PIP5K1C: variants seen among roughly 807,000 people sequenced by gnomAD.
The protein encoded by PIP5K1C is phosphatidylinositol 4-phosphate 5-kinase type-1 gamma.
A neutral mutation model predicts 80.1 loss-of-function variants in PIP5K1C; 45 were observed. The ratio of observed to expected loss-of-function variants is 0.56; its 90% CI spans 0.44 to 0.72. The LOEUF (loss-of-function observed/expected upper bound fraction) is 0.72. Ranked by LOEUF, PIP5K1C falls within the 30% of genes least tolerant of loss-of-function variation. The pLI is 0.00. For synonymous variants in PIP5K1C, 498 were observed against 420.1 expected, an observed-to-expected ratio of 1.19 and a Z score of -2.27; for missense variants, 753 against 954.6, an observed-to-expected ratio of 0.79 and a Z score of 2.78.
chr19:3,664,628 G>A (rs987349337), intron 3 of PIP5K1C, among the ~76,000 whole-genome samples, 194 bp downstream of exon 3: 15 of 152,350 alleles, frequency 9.8e-5, no homozygotes, highest in South Asian at 2.1e-4. Flanking sequence ...CCGGCCGCCC[G>A]GCAAGGACAG....
intron 1 of PIP5K1C, among the ~76,000 whole-genome samples, chr19:3,681,596 C>T (rs866664133): frequency 2.6e-5 from 4 of 152,114 alleles, no homozygotes; most frequent in Admixed American, 2.0e-4. Flanking sequence ...CATCCCCCCG[C>T]GGGCTGGTGC....
In PIP5K1C at chr19:3,696,160, G is replaced by A. The variant is rs1191858378; in HGVS notation, c.94+4137C>T. 1.4e-4 allele frequency among the ~76,000 whole-genome samples: 22 copies of A among 152,234 alleles called. No homozygotes were observed. Among genetic ancestry groups the A allele is most frequent in the Non-Finnish European group, 2.9e-4 (20 of 68,036 alleles). The stretch of plus-strand genomic sequence containing the variant: ...CAGGCGGGGCCTCTGCTGGGGCCAT[G>A]CCCTCTTCCTGCCCAATGCCCACAG... On this transcript the variant is annotated intron_variant, in intron 1 of 17. Transcript: ENST00000335312. This position sits in a 1 kb window ranked among gnomAD's most constrained non-coding sequence, Gnocchi z 4.1.
chr19:3,685,964 C>T (rs868330191), intron 1 of PIP5K1C, among the ~76,000 whole-genome samples: 5 of 151,854 alleles, frequency 3.3e-5, no homozygotes, highest in East Asian at 2.0e-4. Context: ...TGGGCTCAAG[C>T]GACCGTCCTG....
intron 1 of PIP5K1C, among the ~76,000 whole-genome samples, chr19:3,671,361 T>C (rs1005840446): frequency 1.3e-5 from 2 of 152,248 alleles, no homozygotes; most frequent in African/African-American, 4.8e-5. Flanking sequence ...GACCCAGCTC[T>C]GCTGACCTCA....
At chr19:3,659,826 A>G (rs2034769955) in intron 5 of PIP5K1C, among the ~76,000 whole-genome samples, 1 of 152,128 alleles carries the variant, frequency 6.6e-6, no homozygotes, top group Non-Finnish European at 1.5e-5. Context: ...AACCAAACGC[A>G]CGCACAGTCA....
intron 5 of PIP5K1C, 107 bp downstream of exon 5, chr19:3,660,859 C>T (rs2034808771): frequency 4.8e-6 from 4 of 841,896 alleles, no homozygotes; most frequent in African/African-American, 1.7e-5. Flanking sequence ...TAACCCTACA[C>T]GAGGAACCCA....
At chr19:3,650,005 C>G (rs943804730) in intron 8 of PIP5K1C, 4 of 181,004 alleles carry the variant, frequency 2.2e-5, no homozygotes, top group Admixed American at 6.2e-5. Context: ...CCTGCTCCCC[C>G]GCCAGGCCAG....
rs1228611357 is a variant in PIP5K1C at position 3,637,404 on chromosome 19, C to A, written c.1920+1480G>T. 6.5e-7 allele frequency: 1 copy of A among 1,535,418 alleles called. No homozygotes were observed. The highest frequency in any genetic ancestry group is 8.7e-7 in the Non-Finnish European group (1 of 1,146,780). ...CAGCGTGGCTGACCTCAATTGCAGC[C>A]GTGATTTACCCAAAGCCCTTCTGGA... is the stretch of plus-strand genomic sequence containing the variant. On this transcript the variant is annotated intron_variant, in intron 16 of 17. Transcript: ENST00000335312. This position sits in a 1 kb window ranked among gnomAD's most constrained non-coding sequence, Gnocchi z 7.0.
chr19:3,641,251 T>C (rs1229716857), intron 15 of PIP5K1C, among the ~76,000 whole-genome samples: 1 of 151,876 alleles, frequency 6.6e-6, no homozygotes, highest in East Asian at 1.9e-4. Context: ...TAAAATAAAA[T>C]TAAATTAATA....
In PIP5K1C at chr19:3,641,722, G is replaced by A; in HGVS notation, c.1770C>T (p.Pro590=). The A allele has an allele frequency of 6.8e-6, 11 of 1,609,242 alleles. No homozygotes were observed. The highest frequency in any genetic ancestry group is 7.6e-6 in the Non-Finnish European group (9 of 1,179,894). ...GTGCTCACCCTGCGTCCTCCTCTTT[G>A]GGGACCACAATCTCCACGCTGCACG... ...EPACSVEIVV[P]KEEDAGVEAS... is the part of the protein sequence containing the mutation. The change falls in exon 15 of 18, where the codon CCC becomes CCT. Residue 590 remains proline (P), a synonymous_variant. Transcript: ENST00000335312.
rs2035843274 is a variant in PIP5K1C at position 3,688,523 on chromosome 19, C to T, written c.94+11774G>A. Among the ~76,000 whole-genome samples the T allele has an allele frequency of 6.6e-6, 1 of 152,158 alleles. No individual in the cohort carries two copies. Among genetic ancestry groups the T allele is most frequent in the Non-Finnish European group, 1.5e-5 (1 of 68,018 alleles). On this transcript the variant is annotated intron_variant, in intron 1 of 17. Coordinates refer to ENST00000335312, the MANE Select transcript of PIP5K1C (RefSeq NM_012398.3). This position sits in a 1 kb window ranked among gnomAD's most constrained non-coding sequence, Gnocchi z 5.3. The stretch of plus-strand genomic sequence containing the variant: ...TGAGGCCACCCTCGCCCCCTGGTTT[C>T]AACTCCTGCTGTGAGCACCTGGCCT...
At position 3,685,468 on chromosome 19, in the gene PIP5K1C, T is replaced by A. The variant is rs1476364656; in HGVS notation, c.94+14829A>T. Among the ~76,000 whole-genome samples, 4 of 151,840 alleles carry A rather than the reference T, an allele frequency of 2.6e-5. No homozygotes were observed. The South Asian group carries it at 8.3e-4, about 32-fold the overall frequency. ...TTATTGGGCCAGGCACGGTGGCTCATGCCTGTAATCCCAGCACTTTGGGAG... is the reference window on the plus strand; with the variant it reads ...TTATTGGGCCAGGCACGGTGGCTCAAGCCTGTAATCCCAGCACTTTGGGAG... On this transcript the variant is annotated intron_variant, in intron 1 of 17. Transcript: ENST00000335312.
At position 3,641,724 on chromosome 19, in the gene PIP5K1C, G is replaced by A. The variant is rs749429463; in HGVS notation, c.1768C>T (p.Pro590Ser). Residue 590 changes from proline (P) to serine (S), a missense_variant, in exon 15 of 18, where the codon CCC becomes TCC. Physicochemically the swap from Pro to Ser is moderately conservative, Grantham distance 74. Coordinates refer to ENST00000335312, the MANE Select transcript of PIP5K1C (RefSeq NM_012398.3). ...EPACSVEIVVPKEEDAGVEAS... is the reference protein window; with the variant it reads ...EPACSVEIVVSKEEDAGVEAS... ...GCTCACCCTGCGTCCTCCTCTTTGGGGACCACAATCTCCACGCTGCACGCA... is the reference window on the plus strand; with the variant it reads ...GCTCACCCTGCGTCCTCCTCTTTGGAGACCACAATCTCCACGCTGCACGCA... The A allele has an allele frequency of 5.0e-6, 8 of 1,609,402 alleles. No individual in the cohort carries two copies. The highest frequency in any genetic ancestry group is 5.9e-6 in the Non-Finnish European group (7 of 1,179,910).
intron 1 of PIP5K1C, among the ~76,000 whole-genome samples, chr19:3,685,056 T>A (rs8111703): frequency 0.29 from 44,580 of 152,100 alleles, 7,238 homozygotes; most frequent in African/African-American, 0.44. Context: ...AAGCATTAAC[T>A]CACTCAACTT....
At chr19:3,653,171 G>T in intron 7 of PIP5K1C, 119 bp downstream of exon 7, 1 of 851,358 alleles carries the variant, frequency 1.2e-6, no homozygotes, top group Non-Finnish European at 1.8e-6. Flanking sequence ...GCCTGCTGTA[G>T]GCTGCAGGGC....
intron 15 of PIP5K1C, among the ~76,000 whole-genome samples, 176 bp downstream of exon 15, chr19:3,641,529 C>T (rs948353044): frequency 5.3e-5 from 8 of 152,192 alleles, no homozygotes; most frequent in Non-Finnish European, 1.2e-4. Context: ...TAGGATCACC[C>T]CGGCTAGTCG....
At chr19:3,643,850 G>A (rs576624911) in intron 12 of PIP5K1C, among the ~76,000 whole-genome samples, 14 of 152,228 alleles carry the variant, frequency 9.2e-5, no homozygotes, top group East Asian at 5.8e-4. Context: ...GACAGTGGCC[G>A]TGAGAGAAGG....
chr19:3,689,643 C>T (rs1319820580), intron 1 of PIP5K1C, among the ~76,000 whole-genome samples: 1 of 151,946 alleles, frequency 6.6e-6, no homozygotes, highest in Non-Finnish European at 1.5e-5. Context: ...GGCAAAACTC[C>T]GTCTCAAAAA....
intron 1 of PIP5K1C, among the ~76,000 whole-genome samples, chr19:3,698,532 C>T (rs766403521): frequency 2.0e-5 from 3 of 152,218 alleles, no homozygotes; most frequent in South Asian, 2.1e-4. Flanking sequence ...TCACCAGGGC[C>T]GTCCTGCCCC....
Sources: allele counts gnomAD v4.1 joint callset (sites outside exome capture counted in the v4.1 genomes callset), GRCh38; gene constraint gnomAD v4.1.1; non-coding constraint Gnocchi (gnomAD v3.1); transcripts MANE v1.5; gene names NCBI Gene and HGNC (gene_info 2026-07-23, HGNC 2026-07-21).